DNAH7: variants seen among roughly 807,000 people sequenced by gnomAD.
The protein encoded by DNAH7 is axonemal beta dynein heavy chain 7.
In DNAH7, 397 loss-of-function variants were observed where a neutral mutation model predicts 444.6. The observed-to-expected ratio is 0.89, with a 90% confidence interval of 0.82 to 0.97. The LOEUF (loss-of-function observed/expected upper bound fraction) is 0.97, where lower values mean the gene tolerates loss of function less well. Ranked by LOEUF, DNAH7 falls within the 50% of genes least tolerant of loss-of-function variation. The probability of loss-of-function intolerance (pLI) is 0.00; values close to 1 mark genes in which losing one functional copy is unlikely to be tolerated. For missense variants in DNAH7, 4,902 were observed against 4,800.8 expected, an observed-to-expected ratio of 1.02 and a Z score of -0.62; for synonymous variants, 1,636 against 1,624.4, an observed-to-expected ratio of 1.01 and a Z score of -0.17.
intron 12 of DNAH7, among the ~76,000 whole-genome samples, chr2:195,989,438 A>G (rs1693151752): frequency 6.6e-6 from 1 of 152,170 alleles, no homozygotes; most frequent in Admixed American, 6.5e-5. Context: ...TGATAATTAG[A>G]GATGTAGAAC....
chr2:195,859,620 A>C (rs530164201), intron 42 of DNAH7, among the ~76,000 whole-genome samples: 1 of 152,300 alleles, frequency 6.6e-6, no homozygotes, highest in East Asian at 1.9e-4. Context: ...GAGCTGGAAA[A>C]GGTAACCTGG....
At chr2:195,828,730 A>G (rs1697915856) in intron 48 of DNAH7, among the ~76,000 whole-genome samples, 1 of 151,630 alleles carries the variant, frequency 6.6e-6, no homozygotes, top group African/African-American at 2.4e-5. Context: ...CTCATCTGGA[A>G]CATATTTTGG....
At position 196,025,054 on chromosome 2, in the gene DNAH7, C is replaced by A. The variant is rs573466358; in HGVS notation, c.668-550G>T. On this transcript the variant is annotated intron_variant, in intron 7 of 64. Coordinates refer to ENST00000312428, the MANE Select transcript of DNAH7 (RefSeq NM_018897.3). ...CATTGTATGAGGTAGTATAAGAAAT[C>A]TGGAGATGATTTAAAGTATACGGGA... Among the ~76,000 whole-genome samples, 5 of 152,244 alleles carry A rather than the reference C, an allele frequency of 3.3e-5. No individual in the cohort carries two copies. In the South Asian group the frequency reaches 1.0e-3, roughly 32 times the overall value.
rs769182770 is a variant in DNAH7, at chr2:195,969,959, C to T, written c.2194G>A (p.Ala732Thr). The T allele has an allele frequency of 2.5e-6, 4 of 1,605,382 alleles. No homozygotes were observed. The highest frequency in any genetic ancestry group is 1.3e-5 in the African/African-American group (1 of 74,668). ...TTTTTGAATTATACCTTATCTGCAG[C>T]TAAATCCAACTTTCCATTCAGTATT... ...AQILNGKLDL[A>T]ADKIEQFNAE... Residue 732 changes from alanine (A) to threonine (T), a missense_variant, in exon 17 of 65, where the codon GCT (alanine) becomes ACT (threonine). Ala to Thr is a moderately conservative substitution (Grantham distance 58). Transcript: ENST00000312428.
At chr2:196,029,126 T>C (rs1695873697) in intron 5 of DNAH7, among the ~76,000 whole-genome samples, 1 of 152,192 alleles carries the variant, frequency 6.6e-6, no homozygotes, top group Non-Finnish European at 1.5e-5. Context: ...TTGATTATTC[T>C]AACTACAAAT....
intron 45 of DNAH7, among the ~76,000 whole-genome samples, chr2:195,855,211 T>C (rs1303050534): frequency 6.6e-6 from 1 of 152,114 alleles, no homozygotes; most frequent in Admixed American, 6.6e-5. Context: ...ATTCAATAAA[T>C]GTTGACTGTT....
intron 51 of DNAH7, among the ~76,000 whole-genome samples, chr2:195,814,027 G>C (rs565104762): frequency 6.6e-6 from 1 of 152,304 alleles, no homozygotes; most frequent in South Asian, 2.1e-4. Context: ...TTGGAAGTCA[G>C]GACAGTGGTC....
intron 47 of DNAH7, among the ~76,000 whole-genome samples, chr2:195,837,323 G>A (rs1294719663): frequency 6.6e-6 from 1 of 152,146 alleles, no homozygotes. Flanking sequence ...CAGAGGAAAG[G>A]ACTTCTGATT....
At chr2:195,789,307 A>G (rs982475029) in intron 57 of DNAH7, among the ~76,000 whole-genome samples, 14 of 151,616 alleles carry the variant, frequency 9.2e-5, no homozygotes, top group Non-Finnish European at 1.8e-4. Flanking sequence ...CATTGAGGGG[A>G]AAAAAAAAGC....
At chr2:195,808,912 G>T (rs751104020) in intron 52 of DNAH7, 36 bp from the exon 53 acceptor site, 2 of 1,576,006 alleles carry the variant, frequency 1.3e-6, no homozygotes, top group African/African-American at 2.7e-5. Flanking sequence ...AGTCAGAAAC[G>T]AGTTCATCAT....
intron 12 of DNAH7, chr2:195,995,027 T>C: frequency 7.7e-6 from 2 of 260,504 alleles, no homozygotes; most frequent in South Asian, 9.0e-5. Context: ...CCTCCTGGGT[T>C]CAAGCGATTC....
intron 5 of DNAH7, among the ~76,000 whole-genome samples, chr2:196,035,621 G>A (rs1005887097): frequency 4.6e-5 from 7 of 152,172 alleles, no homozygotes; most frequent in Non-Finnish European, 8.8e-5. Flanking sequence ...ATCTAGGGGA[G>A]AACACTGGAA....
intron 27 of DNAH7, chr2:195,902,228 ATGTGT>A (rs1489757212): frequency 6.6e-6 from 1 of 152,184 alleles, no homozygotes; most frequent in East Asian, 1.9e-4. Context: ...GAACCTTCTA[ATGTGT>A]TGTGTTAATT....
intron 24 of DNAH7, among the ~76,000 whole-genome samples, chr2:195,919,683 T>A (rs1687907365): frequency 6.6e-6 from 1 of 152,130 alleles, no homozygotes; most frequent in Non-Finnish European, 1.5e-5. Context: ...ATTAAATAAA[T>A]ACATTTAATT....
intron 9 of DNAH7, among the ~76,000 whole-genome samples, chr2:196,015,355 T>C (rs1694952793): frequency 6.6e-6 from 1 of 152,162 alleles, no homozygotes; most frequent in African/African-American, 2.4e-5. Flanking sequence ...TCAATTATAG[T>C]GTTCTTATCT....
At chr2:195,923,113 C>G (rs1180610306) in intron 23 of DNAH7, among the ~76,000 whole-genome samples, 2 of 152,254 alleles carry the variant, frequency 1.3e-5, no homozygotes, top group Admixed American at 6.5e-5. Context: ...ATCTGCCTGC[C>G]TTGGCCTCCC....
At chr2:195,928,886 G>C (rs1053228180) in intron 21 of DNAH7, among the ~76,000 whole-genome samples, 7 of 151,966 alleles carry the variant, frequency 4.6e-5, no homozygotes, top group Non-Finnish European at 1.0e-4. Context: ...GATCAGGCAA[G>C]AGAAAGAAAT....
chr2:196,000,952 T>C, intron 11 of DNAH7, 69 bp from the exon 12 acceptor site: 3 of 1,274,676 alleles, frequency 2.4e-6, no homozygotes, highest in Non-Finnish European at 3.1e-6. Flanking sequence ...AGTACACCAG[T>C]CCCAATTAGA....
intron 14 of DNAH7, 78 bp from the exon 15 acceptor site, chr2:195,984,788 A>C (rs1692798936): frequency 2.3e-6 from 3 of 1,298,604 alleles, no homozygotes; most frequent in Non-Finnish European, 2.2e-6. Flanking sequence ...ATACTGTTTA[A>C]ATATTCCATT....
Sources: allele counts gnomAD v4.1 joint callset (sites outside exome capture counted in the v4.1 genomes callset), GRCh38; gene constraint gnomAD v4.1.1; transcripts MANE v1.5; gene names NCBI Gene and HGNC (gene_info 2026-07-23, HGNC 2026-07-21).